The following SMIM35 variants were observed in gnomAD, a reference collection of about 807,000 sequenced individuals.
SMIM35 encodes small integral membrane protein 35.
At chr11:118,014,340 G>A (rs912652621) in intron 3 of SMIM35, among the ~76,000 whole-genome samples, 1 of 152,088 alleles carries the variant, frequency 6.6e-6, no homozygotes, top group African/African-American at 2.4e-5. Context: ...GGAAGGAAAG[G>A]AAAGGAAGGA....
chr11:118,081,310 G>A (rs925910330), intron 1 of SMIM35, among the ~76,000 whole-genome samples: 7 of 152,202 alleles, frequency 4.6e-5, no homozygotes, highest in Non-Finnish European at 1.0e-4. Flanking sequence ...GAGCCTGCCC[G>A]GAAACCCTGG....
intron 1 of SMIM35, among the ~76,000 whole-genome samples, chr11:118,078,153 C>T (rs998113147): frequency 1.3e-5 from 2 of 152,014 alleles, no homozygotes; most frequent in African/African-American, 4.8e-5. Flanking sequence ...TCCTCCTCCT[C>T]TGAATACCTG....
chr11:118,024,848 G>T (rs991838532), intron 1 of SMIM35, among the ~76,000 whole-genome samples: 4 of 152,112 alleles, frequency 2.6e-5, no homozygotes, highest in Admixed American at 2.6e-4. Context: ...CTGAGGTTTG[G>T]GATACAAATG....
intron 1 of SMIM35, among the ~76,000 whole-genome samples, chr11:118,022,707 G>C (rs1183176278): frequency 3.3e-5 from 5 of 152,120 alleles, no homozygotes; most frequent in Non-Finnish European, 7.3e-5. Flanking sequence ...AATAAGTAAT[G>C]AGTGCCTGTG....
chr11:118,081,526 A>G (rs1340938527), intron 1 of SMIM35, among the ~76,000 whole-genome samples: 3 of 152,248 alleles, frequency 2.0e-5, no homozygotes, highest in African/African-American at 7.2e-5. Context: ...ACGTGCAACC[A>G]GAAACTCTCG....
intron 1 of SMIM35, among the ~76,000 whole-genome samples, chr11:118,081,621 T>G (rs966144111): frequency 1.3e-5 from 2 of 152,128 alleles, no homozygotes; most frequent in African/African-American, 4.8e-5. Context: ...TGTCCAGGGG[T>G]GGCAGTCGCG....
chr11:118,014,619 C>G (rs745944215), intron 3 of SMIM35, 89 bp downstream of exon 3: 22 of 398,390 alleles, frequency 5.5e-5, no homozygotes, highest in Non-Finnish European at 7.5e-5. Flanking sequence ...GAAAGGGAAC[C>G]AGTCAGTTCT....
At chr11:118,013,484 C>A (rs1195401156) in intron 4 of SMIM35, among the ~76,000 whole-genome samples, 1 of 152,118 alleles carries the variant, frequency 6.6e-6, no homozygotes, top group East Asian at 1.9e-4. Context: ...GAAGCTTCCA[C>A]CTTGAATGCA....
intron 1 of SMIM35, among the ~76,000 whole-genome samples, chr11:118,019,970 A>G (rs73011741): frequency 0.045 from 6,885 of 152,310 alleles, 232 homozygotes; most frequent in Non-Finnish European, 0.067. Flanking sequence ...CTATGGTCTC[A>G]TAATAAATCT....
At chr11:118,035,809 T>A (rs2058355271) in intron 1 of SMIM35, among the ~76,000 whole-genome samples, 1 of 152,178 alleles carries the variant, frequency 6.6e-6, no homozygotes, top group Admixed American at 6.5e-5. Flanking sequence ...CGTGGGGTGG[T>A]CAGTGCTTTA....
chr11:118,029,268 C>CCT, intron 1 of SMIM35, among the ~76,000 whole-genome samples: 1 of 152,184 alleles, frequency 6.6e-6, no homozygotes, highest in Non-Finnish European at 1.5e-5. Flanking sequence ...TCAAGACCAG[C>CCT]CTGGCCAACG....
At chr11:118,061,775 G>C (rs1405811040) in intron 1 of SMIM35, among the ~76,000 whole-genome samples, 1 of 152,114 alleles carries the variant, frequency 6.6e-6, no homozygotes, top group African/African-American at 2.4e-5. Flanking sequence ...TCTTTCACTA[G>C]ATATGATGCT....
At chr11:118,014,081 G>A (rs2058164172) in intron 3 of SMIM35, among the ~76,000 whole-genome samples, 2 of 152,124 alleles carry the variant, frequency 1.3e-5, no homozygotes, top group South Asian at 4.1e-4. Context: ...AACGCCAAGA[G>A]GACTTCCAGC....
intron 4 of SMIM35, among the ~76,000 whole-genome samples, chr11:118,007,049 A>T (rs932504781): frequency 6.6e-6 from 1 of 152,134 alleles, no homozygotes; most frequent in African/African-American, 2.4e-5. Flanking sequence ...TAGTACATAC[A>T]CACACACACG....
chr11:118,058,331 C>A (rs1201081087), intron 1 of SMIM35, among the ~76,000 whole-genome samples: 1 of 152,140 alleles, frequency 6.6e-6, no homozygotes, highest in Non-Finnish European at 1.5e-5. Flanking sequence ...AGCTTTCTCT[C>A]CTCCTATCCC....
chr11:118,029,927 T>C (rs1266193163), intron 1 of SMIM35: 3 of 371,878 alleles, frequency 8.1e-6, no homozygotes, highest in African/African-American at 6.4e-5. Flanking sequence ...AACAGCTCTC[T>C]AGAATAAATT....
At chr11:118,015,033 T>C (rs1032177427) in intron 2 of SMIM35, among the ~76,000 whole-genome samples, 1 of 152,218 alleles carries the variant, frequency 6.6e-6, no homozygotes, top group African/African-American at 2.4e-5. Context: ...TCTCCATCTA[T>C]AAAAATGAAG....
At chr11:118,061,913 C>T (rs1409813986) in intron 1 of SMIM35, among the ~76,000 whole-genome samples, 1 of 152,166 alleles carries the variant, frequency 6.6e-6, no homozygotes, top group African/African-American at 2.4e-5. Flanking sequence ...AACAATGCCA[C>T]CTACCACATG....
At chr11:118,037,521 A>C (rs2508453) in intron 1 of SMIM35, among the ~76,000 whole-genome samples, 147,566 of 152,228 alleles carry the variant, frequency 0.97, 71,659 homozygotes, top group East Asian at 1. Context: ...ATTTTTTTAA[A>C]TTTCTTCTCA....
Sources: gnomAD v4.1 joint callset for allele counts (sites outside exome capture counted in the v4.1 genomes callset) on GRCh38, gnomAD v4.1.1 for gene constraint, MANE v1.5 for transcripts, NCBI Gene and HGNC (gene_info 2026-07-23, HGNC 2026-07-21) for gene names.